FRMD6: variants seen among roughly 807,000 people sequenced by gnomAD.
FRMD6 encodes the protein FERM domain containing 6.
A neutral mutation model predicts 73.2 loss-of-function variants in FRMD6; 37 were observed. The observed-to-expected ratio is 0.51, with a 90% CI of 0.39 to 0.66. The LOEUF (loss-of-function observed/expected upper bound fraction) is 0.66. Among genes scored for constraint, FRMD6 ranks in the 30% least tolerant of loss-of-function variants. The pLI is 0.00. For missense variants in FRMD6, 714 were observed against 780.5 expected (o/e 0.91, Z 1.02); for synonymous variants, 273 against 282.2 (o/e 0.97, Z 0.33).
intron 1 of FRMD6, among the ~76,000 whole-genome samples, chr14:51,490,446 G>A (rs1369055716): frequency 2.0e-5 from 3 of 152,054 alleles, no homozygotes; most frequent in Non-Finnish European, 2.9e-5. Flanking sequence ...CTCATATATT[G>A]GCTTACAGAC....
At chr14:51,423,922 G>T in the FRMD6 span, among the ~76,000 whole-genome samples, 1 of 152,302 alleles carries the variant, frequency 6.6e-6, no homozygotes, top group East Asian at 1.9e-4. Context: ...GAAGTAAAAT[G>T]TATAATTCTT....
At chr14:51,632,035 G>A (rs1891357725) in intron 2 of FRMD6, among the ~76,000 whole-genome samples, 1 of 152,200 alleles carries the variant, frequency 6.6e-6, no homozygotes. Context: ...GGGACCTGGT[G>A]GGAGGAAATA....
Position 51,557,022 on chromosome 14 carries a change from T to C in FRMD6, c.-209-13326T>C, listed in dbSNP as rs551905967. Among the ~76,000 whole-genome samples the C allele has an allele frequency of 3.9e-5, 6 of 152,274 alleles. No homozygotes were observed. The East Asian group carries it at 1.2e-3, about 29-fold the overall frequency. On this transcript the variant is annotated intron_variant, in intron 1 of 14. Coordinates refer to the FRMD6 transcript ENST00000356218. ...AAGTAATAAACTGGGCATGGTGGTA[T>C]GTGCCTATAATCCCAGCTATTCTGA...
At chr14:51,460,105 TCAA>T in the FRMD6 span, among the ~76,000 whole-genome samples, 32 of 152,268 alleles carry the variant, frequency 2.1e-4, 2 homozygotes, top group East Asian at 5.8e-3. Flanking sequence ...GTTTATTCAT[TCAA>T]CAAATATTTA....
chr14:51,658,442 A>G (rs1411600356), intron 1 of FRMD6, among the ~76,000 whole-genome samples: 3 of 152,136 alleles, frequency 2.0e-5, no homozygotes, highest in Non-Finnish European at 4.4e-5. Flanking sequence ...TAAATGATCT[A>G]GGATGGACCC....
At chr14:51,504,416 C>A (rs1883827919) in intron 1 of FRMD6, among the ~76,000 whole-genome samples, 1 of 152,188 alleles carries the variant, frequency 6.6e-6, no homozygotes, top group Non-Finnish European at 1.5e-5. Flanking sequence ...CGGGGTCAGG[C>A]ACTTGCTTGA....
chr14:51,600,141 T>C (rs186434536), intron 2 of FRMD6, among the ~76,000 whole-genome samples: 49 of 152,218 alleles, frequency 3.2e-4, no homozygotes, highest in African/African-American at 1.1e-3. Context: ...CCAAAAAAGG[T>C]ATAAACAAGA....
At chr14:51,531,552 T>C (rs559504736) in intron 1 of FRMD6, among the ~76,000 whole-genome samples, 9 of 152,356 alleles carry the variant, frequency 5.9e-5, no homozygotes, top group African/African-American at 1.9e-4. Flanking sequence ...CAATGTTTAT[T>C]AGTTTTGATC....
intron 1 of FRMD6, among the ~76,000 whole-genome samples, chr14:51,506,881 G>A (rs924293984): frequency 2.6e-5 from 4 of 152,022 alleles, no homozygotes; most frequent in African/African-American, 7.3e-5. Context: ...AACATGGAAG[G>A]ATAATATTTG....
chr14:51,479,026 C>T, the FRMD6 span, among the ~76,000 whole-genome samples: 1 of 152,102 alleles, frequency 6.6e-6, no homozygotes, highest in African/African-American at 2.4e-5. Context: ...AATCAGAAGA[C>T]CCAGGTGTTG....
At chr14:51,547,905 A>G (rs1886568680) in intron 1 of FRMD6, 1 of 150,464 alleles carries the variant, frequency 6.6e-6, no homozygotes, top group African/African-American at 2.4e-5. Flanking sequence ...AAAAAAAACT[A>G]TCTTGGGTCT....
intron 1 of FRMD6, among the ~76,000 whole-genome samples, chr14:51,492,929 G>T (rs938825435): frequency 6.6e-6 from 1 of 152,164 alleles, no homozygotes; most frequent in Non-Finnish European, 1.5e-5. Context: ...CCACCATGGC[G>T]CCTGGATTAC....
the FRMD6 span, among the ~76,000 whole-genome samples, chr14:51,407,094 G>C: frequency 6.6e-6 from 1 of 151,728 alleles, no homozygotes; most frequent in Non-Finnish European, 1.5e-5. Context: ...ACATTTCCTA[G>C]GACTGACTAG....
At chr14:51,400,704 A>T in the FRMD6 span, among the ~76,000 whole-genome samples, 1 of 152,234 alleles carries the variant, frequency 6.6e-6, no homozygotes, top group Non-Finnish European at 1.5e-5. Flanking sequence ...TGAGCATGGA[A>T]CTCAACTACT....
At chr14:51,525,985 C>T (rs1156842292) in intron 1 of FRMD6, among the ~76,000 whole-genome samples, 20 of 152,170 alleles carry the variant, frequency 1.3e-4, no homozygotes, top group Admixed American at 1.3e-3. Context: ...GCACAGGAGG[C>T]ATCCGGAAGG....
intron 1 of FRMD6, among the ~76,000 whole-genome samples, chr14:51,504,496 AG>A (rs1883834288): frequency 1.3e-5 from 2 of 152,230 alleles, no homozygotes; most frequent in East Asian, 3.8e-4. Context: ...GATGTGAGCA[AG>A]GGACAGCTCT....
chr14:51,399,300 T>G, the FRMD6 span, among the ~76,000 whole-genome samples: 1 of 152,188 alleles, frequency 6.6e-6, no homozygotes, highest in East Asian at 1.9e-4. Context: ...TAAGGGACTA[T>G]TTGTAGTTAA....
chr14:51,409,855 C>T, the FRMD6 span, among the ~76,000 whole-genome samples: 2 of 152,172 alleles, frequency 1.3e-5, no homozygotes, highest in African/African-American at 2.4e-5. Flanking sequence ...TTCCAAAGTG[C>T]TGGGATTACA....
chr14:51,528,425 T>A (rs1885384598), intron 1 of FRMD6, among the ~76,000 whole-genome samples: 1 of 152,198 alleles, frequency 6.6e-6, no homozygotes, highest in African/African-American at 2.4e-5. Context: ...TTCCTGCTTT[T>A]TGGGCTCCCA....
Sources: gnomAD v4.1 joint callset for allele counts (sites outside exome capture counted in the v4.1 genomes callset) on GRCh38, gnomAD v4.1.1 for gene constraint, MANE v1.5 for transcripts, NCBI Gene and HGNC (gene_info 2026-07-23, HGNC 2026-07-21) for gene names.